The following COL22A1 variants were observed in gnomAD, a reference collection of about 807,000 sequenced individuals.
COL22A1 encodes the protein collagen alpha-1(XXII) chain.
Under a neutral mutation model 248.9 loss-of-function variants are expected in COL22A1, and 221 were observed. The ratio of observed to expected loss-of-function variants is 0.89; its 90% CI spans 0.80 to 0.99. The LOEUF (loss-of-function observed/expected upper bound fraction) is 0.99. COL22A1 is among the 50% of genes least tolerant of loss of function. The pLI, the probability that COL22A1 is intolerant of heterozygous loss-of-function variation, is 0.00. For missense variants in COL22A1, 2,240 were observed against 2,179.0 expected, an observed-to-expected ratio of 1.03 and a Z score of -0.56; for synonymous variants, 891 against 793.4, an observed-to-expected ratio of 1.12 and a Z score of -2.07.
At chr8:138,697,842 G>A (rs1198664940) in intron 32 of COL22A1, among the ~76,000 whole-genome samples, 2 of 152,236 alleles carry the variant, frequency 1.3e-5, no homozygotes, top group Non-Finnish European at 2.9e-5. Flanking sequence ...GGGTTGCCAT[G>A]GTGACGAAGC....
intron 11 of COL22A1, among the ~76,000 whole-genome samples, chr8:138,797,266 T>G (rs1816628871): frequency 6.6e-6 from 1 of 152,214 alleles, no homozygotes; most frequent in African/African-American, 2.4e-5. Flanking sequence ...CTTCCTCTAC[T>G]CTAGCTCTAG....
At chr8:138,859,726 A>G (rs1822309974) in intron 3 of COL22A1, among the ~76,000 whole-genome samples, 1 of 151,990 alleles carries the variant, frequency 6.6e-6, no homozygotes, top group Non-Finnish European at 1.5e-5. Flanking sequence ...CCCATTGTAG[A>G]CTGAGGTCAC....
At chr8:138,835,738 G>T (rs1159181602) in intron 4 of COL22A1, among the ~76,000 whole-genome samples, 1 of 152,200 alleles carries the variant, frequency 6.6e-6, no homozygotes. Context: ...AGATACTCCT[G>T]ACTGAAGTCC....
chr8:138,726,156 G>A (rs1473252839), intron 23 of COL22A1, among the ~76,000 whole-genome samples: 1 of 152,048 alleles, frequency 6.6e-6, no homozygotes, highest in Non-Finnish European at 1.5e-5. Flanking sequence ...TCTTGGTTGA[G>A]GGGGAGGGCT....
chr8:138,913,430 T>A (rs961800309), intron 1 of COL22A1, among the ~76,000 whole-genome samples, 189 bp downstream of exon 1: 23 of 152,138 alleles, frequency 1.5e-4, no homozygotes. Context: ...TGCTTCCAAC[T>A]ATAGTCACTC....
intron 30 of COL22A1, 80 bp downstream of exon 30, chr8:138,715,602 T>C: frequency 1.2e-6 from 1 of 830,872 alleles, no homozygotes; most frequent in Admixed American, 2.3e-5. Context: ...AGATAGAGTA[T>C]ATTCTGCAGA....
chr8:138,852,873 T>A (rs1158014928), intron 3 of COL22A1, among the ~76,000 whole-genome samples: 1 of 152,006 alleles, frequency 6.6e-6, no homozygotes, highest in Admixed American at 6.6e-5. Flanking sequence ...CTATGCCCAG[T>A]GGCTCAGTCC....
intron 5 of COL22A1, among the ~76,000 whole-genome samples, chr8:138,828,663 AG>A: frequency 6.6e-6 from 1 of 152,040 alleles, no homozygotes; most frequent in Admixed American, 6.6e-5. Flanking sequence ...AAGGTATTAA[AG>A]GCGTGAACCC....
chr8:138,673,892 C>T (rs377293400), intron 41 of COL22A1, among the ~76,000 whole-genome samples: 1 of 152,108 alleles, frequency 6.6e-6, no homozygotes, highest in Non-Finnish European at 1.5e-5. Flanking sequence ...GAGCAGCCTC[C>T]AACCAAACAC....
chr8:138,703,267 G>A (rs1233226385), intron 31 of COL22A1, 39 bp downstream of exon 31: 1 of 1,574,860 alleles, frequency 6.3e-7, no homozygotes, highest in Non-Finnish European at 8.7e-7. Flanking sequence ...CCCAATATAG[G>A]AATTCAGAGG....
At chr8:138,706,604 A>T (rs1208212826) in intron 30 of COL22A1, among the ~76,000 whole-genome samples, 5 of 152,242 alleles carry the variant, frequency 3.3e-5, no homozygotes, top group Non-Finnish European at 7.3e-5. Context: ...ACAGAGACAC[A>T]ACATACCAGA....
intron 22 of COL22A1, among the ~76,000 whole-genome samples, chr8:138,742,636 G>T (rs974813650): frequency 1.8e-4 from 27 of 152,006 alleles, no homozygotes; most frequent in African/African-American, 6.5e-4. Flanking sequence ...TAGTGATTGT[G>T]ATGGTGATGG....
intron 18 of COL22A1, among the ~76,000 whole-genome samples, chr8:138,757,592 C>T (rs1159304074): frequency 6.6e-6 from 1 of 152,178 alleles, no homozygotes. Flanking sequence ...CTAAGACCCT[C>T]GTATCCATCC....
intron 1 of COL22A1, among the ~76,000 whole-genome samples, chr8:138,893,554 C>A (rs547413614): frequency 6.6e-6 from 1 of 152,298 alleles, no homozygotes; most frequent in South Asian, 2.1e-4. Flanking sequence ...GGAACGATAT[C>A]CCCTACTTCA....
intron 23 of COL22A1, among the ~76,000 whole-genome samples, chr8:138,735,634 A>G (rs1251560048): frequency 6.6e-6 from 1 of 152,204 alleles, no homozygotes; most frequent in Non-Finnish European, 1.5e-5. Flanking sequence ...ATAAGGCAAA[A>G]CCCACTCTAT....
Position 138,725,359 on chromosome 8 carries a change from C to T in COL22A1, c.2193+28G>A, listed in dbSNP as rs747105609. ...GGCCAGGAAACCACCATCTAAGAGCCCCTGTAGAAAATCAAAGCCAGTCTT... is the reference window on the plus strand; with the variant it reads ...GGCCAGGAAACCACCATCTAAGAGCTCCTGTAGAAAATCAAAGCCAGTCTT... On this transcript the variant is annotated intron_variant, in intron 24 of 64. Coordinates refer to ENST00000303045, the MANE Select transcript of COL22A1 (RefSeq NM_152888.3). The T allele has an allele frequency of 8.7e-6, 14 of 1,611,608 alleles. No individual in the cohort carries two copies. In the South Asian group the frequency reaches 1.4e-4, roughly 16 times the overall value.
intron 1 of COL22A1, among the ~76,000 whole-genome samples, chr8:138,883,517 AC>A (rs1485254178): frequency 6.6e-6 from 1 of 152,142 alleles, no homozygotes; most frequent in Non-Finnish European, 1.5e-5. Flanking sequence ...TGAGGACTCC[AC>A]ACCACATCCC....
At chr8:138,906,793 C>T (rs1815062940) in intron 1 of COL22A1, among the ~76,000 whole-genome samples, 1 of 152,010 alleles carries the variant, frequency 6.6e-6, no homozygotes, top group South Asian at 2.1e-4. Flanking sequence ...GCTGGGATTA[C>T]AGGCACCCGC....
chr8:138,912,875 G>A (rs1354850438), intron 1 of COL22A1, among the ~76,000 whole-genome samples: 1 of 152,228 alleles, frequency 6.6e-6, no homozygotes, highest in Non-Finnish European at 1.5e-5. Context: ...TTCTGCAGAT[G>A]GTTGATAAGC....
Sources: gnomAD v4.1 joint callset for allele counts (sites outside exome capture counted in the v4.1 genomes callset) on GRCh38, gnomAD v4.1.1 for gene constraint, MANE v1.5 for transcripts, NCBI Gene and HGNC (gene_info 2026-07-23, HGNC 2026-07-21) for gene names.